Variants in GRID2 observed in about 807,000 individuals in gnomAD.
The protein encoded by GRID2 is glutamate ionotropic receptor delta type subunit 2, also known as glutamate receptor ionotropic, delta-2.
A neutral mutation model predicts 114.8 loss-of-function variants in GRID2; 33 were observed. That is an observed-to-expected ratio of 0.29 (90% CI 0.22 to 0.38). The LOEUF (loss-of-function observed/expected upper bound fraction) is 0.38, where lower values mean the gene tolerates loss of function less well. GRID2 is among the 10% of genes least tolerant of loss of function. The pLI is 1.00. For missense variants in GRID2, 1,184 were observed against 1,257.7 expected (o/e 0.94, Z 0.89); for synonymous variants, 505 against 449.9 (o/e 1.12, Z -1.55).
intron 8 of GRID2, among the ~76,000 whole-genome samples, chr4:93,305,038 T>G (rs2149175200): frequency 6.6e-6 from 1 of 152,288 alleles, no homozygotes. Flanking sequence ...TGTGATAAAT[T>G]ATTGTGGATG....
intron 1 of GRID2, among the ~76,000 whole-genome samples, chr4:92,574,451 T>G (rs1727789173): frequency 6.6e-6 from 1 of 150,944 alleles, no homozygotes; most frequent in African/African-American, 2.4e-5. Flanking sequence ...TAATGGTTTT[T>G]GCTTTCCATA....
chr4:93,645,822 A>C (rs1312194039), intron 14 of GRID2, among the ~76,000 whole-genome samples: 2 of 152,198 alleles, frequency 1.3e-5, no homozygotes, highest in Non-Finnish European at 2.9e-5. Flanking sequence ...CATACTTGAC[A>C]TTTCAAATAT....
At chr4:92,427,627 G>T (rs1732223662) in intron 1 of GRID2, among the ~76,000 whole-genome samples, 1 of 152,094 alleles carries the variant, frequency 6.6e-6, no homozygotes, top group Non-Finnish European at 1.5e-5. Flanking sequence ...ATAAGGAGAT[G>T]ACTTTTTAAA....
At chr4:92,855,369 A>C (rs1484816546) in intron 2 of GRID2, among the ~76,000 whole-genome samples, 1 of 151,998 alleles carries the variant, frequency 6.6e-6, no homozygotes, top group Non-Finnish European at 1.5e-5. Context: ...ATCAGATAAA[A>C]AATTATTTGT....
intron 2 of GRID2, among the ~76,000 whole-genome samples, chr4:92,976,406 C>A (rs1560762511): frequency 2.0e-5 from 3 of 152,136 alleles, no homozygotes. Context: ...GACAGATACA[C>A]ATGTACATTT....
At chr4:93,795,204 A>G (rs1016839652) in intron 1 of GRID2, among the ~76,000 whole-genome samples, 3 of 152,140 alleles carry the variant, frequency 2.0e-5, no homozygotes, top group African/African-American at 7.2e-5. Flanking sequence ...CATTATTACT[A>G]TAGTATATAG....
chr4:93,546,374 ACC>A (rs1733216705), intron 13 of GRID2, among the ~76,000 whole-genome samples: 1 of 152,176 alleles, frequency 6.6e-6, no homozygotes, highest in African/African-American at 2.4e-5. Flanking sequence ...TGGATGAGAT[ACC>A]CTGAGGAGAA....
chr4:93,211,703 G>A (rs1384721172), intron 5 of GRID2, among the ~76,000 whole-genome samples: 1 of 151,964 alleles, frequency 6.6e-6, no homozygotes, highest in Non-Finnish European at 1.5e-5. Context: ...TTTCTTTTGG[G>A]CAAGCCACAC....
At chr4:93,713,615 G>T (rs1484019515) in intron 14 of GRID2, among the ~76,000 whole-genome samples, 1 of 152,002 alleles carries the variant, frequency 6.6e-6, no homozygotes, top group African/African-American at 2.4e-5. Context: ...ATAATGTTAG[G>T]TTGTAAGAAA....
chr4:93,551,170 G>A (rs552523750), intron 13 of GRID2, among the ~76,000 whole-genome samples: 1 of 152,336 alleles, frequency 6.6e-6, no homozygotes, highest in South Asian at 2.1e-4. Context: ...TATTAGTACT[G>A]TAGAGACCAG....
At chr4:92,757,375 C>T (rs1737774089) in intron 2 of GRID2, among the ~76,000 whole-genome samples, 1 of 151,960 alleles carries the variant, frequency 6.6e-6, no homozygotes, top group Admixed American at 6.6e-5. Context: ...TCAAAATTTT[C>T]TTTGGAAATA....
At chr4:92,666,687 C>T (rs1732804041) in intron 2 of GRID2, among the ~76,000 whole-genome samples, 1 of 98,428 alleles carries the variant, frequency 1.0e-5, no homozygotes, top group Non-Finnish European at 2.0e-5. Context: ...TTTTCTGAGC[C>T]TGCATTTCTC....
intron 1 of GRID2, among the ~76,000 whole-genome samples, chr4:92,372,985 G>T (rs1180435722): frequency 6.6e-6 from 1 of 152,098 alleles, no homozygotes; most frequent in East Asian, 1.9e-4. Context: ...ATTCAAACAA[G>T]TTGGTTTTAT....
chr4:93,059,434 C>T (rs988625538), intron 2 of GRID2, among the ~76,000 whole-genome samples: 1 of 152,024 alleles, frequency 6.6e-6, no homozygotes, highest in Non-Finnish European at 1.5e-5. Flanking sequence ...ACAGCAATTC[C>T]ATCATGCTCA....
chr4:93,317,072 C>A (rs1009549153), intron 8 of GRID2, among the ~76,000 whole-genome samples: 3 of 151,954 alleles, frequency 2.0e-5, no homozygotes, highest in Non-Finnish European at 2.9e-5. Context: ...TTTTGAGATT[C>A]TAATTTTTGA....
At chr4:92,864,435 C>G (rs1578338436) in intron 2 of GRID2, among the ~76,000 whole-genome samples, 1 of 152,270 alleles carries the variant, frequency 6.6e-6, no homozygotes, top group East Asian at 1.9e-4. Context: ...GTACTGCCAT[C>G]TGGAATAATA....
At chr4:92,880,874 A>G (rs1476524842) in intron 2 of GRID2, among the ~76,000 whole-genome samples, 1 of 151,902 alleles carries the variant, frequency 6.6e-6, no homozygotes, top group Non-Finnish European at 1.5e-5. Flanking sequence ...GGCGCCTGCC[A>G]CCACTCCCGG....
At chr4:93,691,357 G>T (rs1407022176) in intron 14 of GRID2, among the ~76,000 whole-genome samples, 1 of 151,994 alleles carries the variant, frequency 6.6e-6, no homozygotes, top group Non-Finnish European at 1.5e-5. Flanking sequence ...TTGCTTTAAT[G>T]TGGTCAATAG....
At chr4:93,155,809 C>T (rs1215709280) in intron 4 of GRID2, among the ~76,000 whole-genome samples, 1 of 151,100 alleles carries the variant, frequency 6.6e-6, no homozygotes, top group Non-Finnish European at 1.5e-5. Context: ...GACAGTTACC[C>T]AATGCTGGGA....
Sources: gnomAD v4.1 joint callset for allele counts (sites outside exome capture counted in the v4.1 genomes callset) on GRCh38, gnomAD v4.1.1 for gene constraint, MANE v1.5 for transcripts, NCBI Gene and HGNC (gene_info 2026-07-23, HGNC 2026-07-21) for gene names.